Variants in CIITA observed in about 807,000 individuals in gnomAD.
CIITA encodes class II major histocompatibility complex transactivator, also known as MHC class II transactivator.
CIITA carries 72 observed loss-of-function variants against 115.1 expected under a neutral mutation model. The observed-to-expected ratio is 0.63, with a 90% confidence interval of 0.52 to 0.76. The LOEUF (loss-of-function observed/expected upper bound fraction) is 0.76. Among genes scored for constraint, CIITA ranks in the 30% least tolerant of loss-of-function variants. The pLI is 0.00. For synonymous variants in CIITA, 763 were observed against 635.6 expected (o/e 1.20, Z -3.02); for missense variants, 1,617 against 1,463.8 (o/e 1.10, Z -1.71).
upstream of CIITA, among the ~76,000 whole-genome samples, chr16:10,873,865 GGTCCC>G (rs1233658599): frequency 2.0e-5 from 3 of 152,086 alleles, no homozygotes; most frequent in Admixed American, 6.5e-5. Flanking sequence ...TCCTGACAGG[GGTCCC>G]GTCTCAGGAG....
chr16:10,872,661 T>C (rs1419301553), upstream of CIITA, among the ~76,000 whole-genome samples: 1 of 152,242 alleles, frequency 6.6e-6, no homozygotes, highest in African/African-American at 2.4e-5. Flanking sequence ...CACCCTCCCA[T>C]GTCCCTCCCT....
At chr16:10,919,075 G>A (rs937578096) in intron 16 of CIITA, among the ~76,000 whole-genome samples, 2 of 152,182 alleles carry the variant, frequency 1.3e-5, no homozygotes, top group African/African-American at 2.4e-5. Flanking sequence ...CTTCTTACTC[G>A]CCAGACTGAG....
chr16:10,899,040 T>G (rs1218420613), intron 5 of CIITA, 38 bp downstream of exon 5: 2 of 1,601,394 alleles, frequency 1.2e-6, no homozygotes, highest in East Asian at 2.2e-5. Context: ...TAGCCTTGCT[T>G]GAGACCTGGC....
intron 1 of CIITA, among the ~76,000 whole-genome samples, chr16:10,889,298 G>A (rs1332259447): frequency 2.0e-5 from 3 of 152,180 alleles, no homozygotes; most frequent in Non-Finnish European, 2.9e-5. Flanking sequence ...TGGCTCTGGG[G>A]ATAGAGGAAG....
intron 16 of CIITA, 21 bp from the exon 17 acceptor site, chr16:10,922,146 C>T (rs769254329): frequency 9.9e-6 from 16 of 1,611,978 alleles, no homozygotes; most frequent in East Asian, 6.7e-5. Context: ...AATCCCTCCC[C>T]CTGGCCTCTG....
Position 10,907,611 on chromosome 16 carries a change from G to A in CIITA, c.2119G>A (p.Ala707Thr), listed in dbSNP as rs2039264737. 6.2e-7 allele frequency: 1 copy of A among 1,614,244 alleles called. No homozygotes were observed. ...ACCGCGGGCCGCAGAGTCCGAGCTG[G>A]CCTTCCCCAGCTTCCTCCTGCAATG... ...HPPRAAESEL[A>T]FPSFLLQCFL... Residue 707 changes from alanine to threonine, a missense_variant, in exon 11 of 20, where the codon GCC becomes ACC. Coordinates refer to ENST00000324288, the MANE Select transcript of CIITA (RefSeq NM_000246.4). The surrounding 1 kb of genome is among the most constrained non-coding windows in gnomAD (Gnocchi z 5.0).
In CIITA at chr16:10,907,575, G is replaced by A. The variant is rs1420722451; in HGVS notation, c.2083G>A (p.Val695Ile). The A allele has an allele frequency of 6.2e-7, 1 of 1,614,184 alleles. No individual in the cohort carries two copies. The highest frequency in any genetic ancestry group is 1.1e-5 in the South Asian group (1 of 91,082). The change falls in exon 11 of 20, where the codon GTC (valine) becomes ATC (isoleucine). Residue 695 changes from valine (V) to isoleucine (I), a missense_variant. Transcript: ENST00000324288. The surrounding 1 kb of genome is among the most constrained non-coding windows in gnomAD (Gnocchi z 5.0). ...GACCTGGGCGATGGCCAAAGGCTTA[G>A]TCCAACACCCACCGCGGGCCGCAGA... ...VRTWAMAKGL[V>I]QHPPRAAESE...
chr16:10,919,525 T>TATTTATTC (rs2040158782), intron 16 of CIITA, among the ~76,000 whole-genome samples: 1 of 151,550 alleles, frequency 6.6e-6, no homozygotes, highest in Admixed American at 6.6e-5. Context: ...TTTATTTATT[T>TATTTATTC]ATTTATTTGG....
At chr16:10,903,337 A>T (rs2038919038) in intron 8 of CIITA, among the ~76,000 whole-genome samples, 1 of 152,164 alleles carries the variant, frequency 6.6e-6, no homozygotes, top group African/African-American at 2.4e-5. Flanking sequence ...GACCAGGAGG[A>T]TGCTTCCACT....
At chr16:10,917,104 C>T (rs2039993626) in intron 15 of CIITA, 2 of 210,128 alleles carry the variant, frequency 9.5e-6, no homozygotes, top group East Asian at 1.5e-4. Context: ...ATTATCAAAA[C>T]AGTAAAACTT....
intron 1 of CIITA, 93 bp downstream of exon 1, chr16:10,877,475 T>C: frequency 1.5e-6 from 2 of 1,319,538 alleles, no homozygotes; most frequent in Non-Finnish European, 2.1e-6. Context: ...GAATTGGGGA[T>C]GGGGGTGAGG....
At chr16:10,882,837 C>A (rs370586371) in intron 1 of CIITA, among the ~76,000 whole-genome samples, 1 of 151,486 alleles carries the variant, frequency 6.6e-6, no homozygotes, top group Non-Finnish European at 1.5e-5. Context: ...GCGGAGATTG[C>A]GGTGAGCCGA....
chr16:10,901,845 C>G lies in CIITA; in HGVS notation c.482-193C>G. ...GTCCTGCTCAGCATAGCTCTCAGAGCCAAGTCACAAGGAGAGGACTGGGGG... is the reference window on the plus strand; with the variant it reads ...GTCCTGCTCAGCATAGCTCTCAGAGGCAAGTCACAAGGAGAGGACTGGGGG... On this transcript the variant is annotated intron_variant, in intron 6 of 19. Coordinates refer to ENST00000324288, the MANE Select transcript of CIITA (RefSeq NM_000246.4). The surrounding 1 kb of genome is among the most constrained non-coding windows in gnomAD (Gnocchi z 6.8). The G allele has an allele frequency of 1.2e-6, 1 of 839,640 alleles. No individual in the cohort carries two copies. The highest frequency in any genetic ancestry group is 1.9e-6 in the Non-Finnish European group (1 of 516,824). 52.0% of individuals were successfully genotyped at this position (839,640 alleles called of 1,614,324 possible).
rs57215890 is a variant in CIITA, at chr16:10,911,394, C to T, written c.2888+1135C>T. On this transcript the variant is annotated intron_variant, in intron 13 of 19. Transcript: ENST00000324288. ...TCTTTCTTTCTTTCTCTCTCTCTCT[C>T]CCTTCCTTCCTCCCTCCCTATCTCT... Among the ~76,000 whole-genome samples the T allele has an allele frequency of 3.1e-3, 447 of 142,784 alleles. 4 individuals are homozygous for T. The highest frequency in any genetic ancestry group is 8.5e-3 in the African/African-American group (324 of 38,000). The allele number at this position is 142,784 out of a possible 152,430, so 93.7% of individuals were successfully genotyped here.
rs756418386 is a variant in CIITA, at chr16:10,907,214, C to G, written c.1722C>G (p.Ala574=). 14 of 1,612,884 alleles carry G rather than the reference C, an allele frequency of 8.7e-6. No individual in the cohort carries two copies. In the South Asian group the frequency reaches 1.5e-4, roughly 18 times the overall value. ...TGTCCGGCTTCTCCATGGAGCAGGC[C>G]CAGGCATACGTGATGCGCTACTTTG... is the stretch of plus-strand genomic sequence containing the variant. ...FELSGFSMEQ[A]QAYVMRYFES... is the part of the protein sequence containing the mutation. The change falls in exon 11 of 20, where the codon GCC becomes GCG. Residue 574 remains alanine (A), a synonymous_variant. Transcript: ENST00000324288. This position sits in a 1 kb window ranked among gnomAD's most constrained non-coding sequence, Gnocchi z 5.0.
At position 10,936,142 on chromosome 16, in the gene CIITA, C is replaced by T. The variant is rs1371463364; in HGVS notation, c.*12287C>T. The T allele has an allele frequency of 1.3e-5, 2 of 152,016 alleles. No individual in the cohort carries two copies. Among genetic ancestry groups the T allele is most frequent in the Non-Finnish European group, 2.9e-5 (2 of 68,006 alleles). 9.4% of individuals were successfully genotyped at this position (152,016 alleles called of 1,614,324 possible). ...AGTAACTGGGACTATGGGCGTGTAC[C>T]ACAACACCTCGCTATTTTTTTTTTC... On this transcript the variant is annotated 3_prime_UTR_variant, in exon 20 of 20. Coordinates refer to ENST00000324288, the MANE Select transcript of CIITA (RefSeq NM_000246.4).
At position 10,930,176 on chromosome 16, in the gene CIITA, C is replaced by A. The variant is rs1015439638; in HGVS notation, c.*6321C>A. On this transcript the variant is annotated 3_prime_UTR_variant, in exon 20 of 20. Transcript: ENST00000324288. ...TAGCACCTCGTGTTCCCATGCCCAA[C>A]CCCTCTGCAGCCCCCTCAAGCCCTG... 1.3e-5 allele frequency: 2 copies of A among 152,360 alleles called. No individual in the cohort carries two copies. Among genetic ancestry groups the A allele is most frequent in the Admixed American group, 6.5e-5 (1 of 15,288 alleles). 9.4% of individuals were successfully genotyped at this position (152,360 alleles called of 1,614,324 possible).
chr16:10,904,615 C>A, intron 9 of CIITA, 129 bp from the exon 10 acceptor site: 1 of 897,996 alleles, frequency 1.1e-6, no homozygotes, highest in Non-Finnish European at 1.9e-6. Context: ...AGCCTCAGGC[C>A]GCTATCTTAT....
At position 10,895,563 on chromosome 16, in the gene CIITA, T is replaced by C. The variant is rs1006310565; in HGVS notation, c.200-106T>C. On this transcript the variant is annotated intron_variant, in intron 2 of 19. Coordinates refer to ENST00000324288, the MANE Select transcript of CIITA (RefSeq NM_000246.4). ...CAGCTCCCACGTCTGTGGGACGCTC[T>C]CTGCAGATGGGGATGATCTCCCAGC... 14 of 1,560,180 alleles carry C rather than the reference T, an allele frequency of 9.0e-6. No homozygotes were observed. The African/African-American group carries it at 1.8e-4, about 20-fold the overall frequency.
Sources: allele counts gnomAD v4.1 joint callset (sites outside exome capture counted in the v4.1 genomes callset), GRCh38; gene constraint gnomAD v4.1.1; non-coding constraint Gnocchi (gnomAD v3.1); transcripts MANE v1.5; gene names NCBI Gene and HGNC (gene_info 2026-07-23, HGNC 2026-07-21).